The following ZNF469 variants were observed in gnomAD, a reference collection of about 807,000 sequenced individuals.
ZNF469 encodes the protein zinc finger protein 469.
A neutral mutation model predicts 1.0 loss-of-function variants in ZNF469; 1 was observed. That is an observed-to-expected ratio of 1.00 (90% CI 0.35 to 4.73). ZNF469 has a LOEUF of 4.73. Ranked by LOEUF, ZNF469 falls within the 30% of genes most tolerant of loss-of-function variation. The pLI is 0.16. For synonymous variants in ZNF469, 2,703 were observed against 2,363.4 expected (o/e 1.14, Z -4.17); for missense variants, 6,100 against 5,356.3 (o/e 1.14, Z -4.33).
upstream of ZNF469, among the ~76,000 whole-genome samples, chr16:88,381,777 A>G (rs2092525984): frequency 1.3e-5 from 2 of 152,252 alleles, no homozygotes; most frequent in African/African-American, 4.8e-5. Flanking sequence ...ATGCCAGCAC[A>G]GAAACCCCAC....
At position 88,429,984 on chromosome 16, in the gene ZNF469, C is replaced by A. The variant is rs900520069; in HGVS notation, c.2514C>A (p.Ala838=). 6.5e-7 allele frequency: 1 copy of A among 1,550,382 alleles called. No individual in the cohort carries two copies. The highest frequency in any genetic ancestry group is 1.4e-5 in the African/African-American group (1 of 73,180). Residue 838 remains alanine, a synonymous_variant, in exon 3 of 3, where the codon GCC becomes GCA. Transcript: ENST00000565624. ...CGGACCTGGACATGGAGGATGACGCCAAGCTGGACAGCCTCATCACAGAGG... is the reference window on the plus strand; with the variant it reads ...CGGACCTGGACATGGAGGATGACGCAAAGCTGGACAGCCTCATCACAGAGG... ...PASDLDMEDD[A]KLDSLITEAL...
At chr16:88,191,957 G>C in the ZNF469 span, among the ~76,000 whole-genome samples, 1 of 152,192 alleles carries the variant, frequency 6.6e-6, no homozygotes, top group Non-Finnish European at 1.5e-5. Context: ...ATGGTATTTG[G>C]AGGGGGGGAC....
chr16:88,375,071 C>T, the ZNF469 span, among the ~76,000 whole-genome samples: 7 of 152,336 alleles, frequency 4.6e-5, no homozygotes, highest in Middle Eastern at 3.4e-3. Flanking sequence ...AGGACAGGCC[C>T]GAAGGCTGCA....
chr16:88,390,301 C>T (rs945303942), intron 1 of ZNF469, among the ~76,000 whole-genome samples: 6 of 152,164 alleles, frequency 3.9e-5, no homozygotes, highest in Non-Finnish European at 8.8e-5. Flanking sequence ...AGTAGGGGCA[C>T]CCACCAACTG....
At chr16:88,230,309 G>A in the ZNF469 span, among the ~76,000 whole-genome samples, 1 of 152,256 alleles carries the variant, frequency 6.6e-6, no homozygotes, top group Non-Finnish European at 1.5e-5. Context: ...TCTGCTTCAG[G>A]ATTGCTGAGG....
rs1294047474 is a variant in ZNF469 at position 88,430,773 on chromosome 16, C to T, written c.3303C>T (p.Asp1101=). The change falls in exon 3 of 3, where the codon GAC becomes GAT. Residue 1101 remains aspartate, a synonymous_variant. Transcript: ENST00000565624. ...ACTTCGCCTCGGAGTCCGAGGAGGA[C>T]GAGCAGCCTCCGCCGCGGGGCCCCG... The part of the protein sequence containing the change: ...EYDFASESEE[D]EQPPPRGPGF... The T allele has an allele frequency of 1.2e-5, 18 of 1,523,748 alleles. No homozygotes were observed. Among genetic ancestry groups the T allele is most frequent in the Non-Finnish European group, 1.5e-5 (17 of 1,142,206 alleles). The allele number at this position is 1,523,748 out of a possible 1,614,324, so 94.4% of individuals were successfully genotyped here.
chr16:88,199,983 G>C, the ZNF469 span, among the ~76,000 whole-genome samples: 5 of 152,182 alleles, frequency 3.3e-5, no homozygotes, highest in Non-Finnish European at 7.3e-5. Flanking sequence ...CCTTCATGCC[G>C]GGCTCACCAC....
the ZNF469 span, among the ~76,000 whole-genome samples, chr16:88,259,736 G>A: frequency 2.6e-5 from 4 of 151,976 alleles, no homozygotes; most frequent in East Asian, 1.9e-4. This position sits in a 1 kb window ranked among gnomAD's most constrained non-coding sequence, Gnocchi z 4.1. Flanking sequence ...TCCACACACC[G>A]TGGCCCCCAA....
chr16:88,354,356 G>A, the ZNF469 span, among the ~76,000 whole-genome samples: 3 of 152,130 alleles, frequency 2.0e-5, no homozygotes, highest in African/African-American at 7.2e-5. Flanking sequence ...CCAGGTCCTC[G>A]GCTCCCTGGA....
At chr16:88,319,063 G>A in the ZNF469 span, among the ~76,000 whole-genome samples, 1 of 152,188 alleles carries the variant, frequency 6.6e-6, no homozygotes, top group African/African-American at 2.4e-5. Context: ...GAGGGCCTTG[G>A]CCACCAGGCT....
the ZNF469 span, among the ~76,000 whole-genome samples, chr16:88,312,061 A>G: frequency 2.6e-5 from 4 of 152,200 alleles, no homozygotes; most frequent in Non-Finnish European, 5.9e-5. Flanking sequence ...GGCACATCTT[A>G]CATGGCAGCT....
the ZNF469 span, among the ~76,000 whole-genome samples, chr16:88,329,000 C>T: frequency 5.3e-5 from 8 of 152,298 alleles, no homozygotes; most frequent in East Asian, 3.9e-4. Context: ...CACCCGCAGC[C>T]GGAGTCCTTC....
the ZNF469 span, chr16:88,178,133 C>G: frequency 3.9e-5 from 6 of 152,234 alleles, no homozygotes; most frequent in Non-Finnish European, 8.8e-5. Context: ...GTCCATCGAT[C>G]AAACTGCTGA....
chr16:88,436,184 C>T lies in ZNF469; in HGVS notation c.8714C>T (p.Pro2905Leu). ...GAGGGCGGTGACCCCACGCTGGGCC[C>T]AGCCCGCCTGCCCACGGACCTCAGC... ...FEEGGDPTLG[P>L]ARLPTDLSDS... Residue 2905 changes from proline to leucine, a missense_variant, in exon 3 of 3, where the codon CCA becomes CTA. Coordinates refer to ENST00000565624, the MANE Select transcript of ZNF469 (RefSeq NM_001367624.2). 6.5e-7 allele frequency: 1 copy of T among 1,547,742 alleles called. No individual in the cohort carries two copies. Among genetic ancestry groups the T allele is most frequent in the East Asian group, 2.4e-5 (1 of 40,918 alleles).
At chr16:88,101,513 A>G in the ZNF469 span, among the ~76,000 whole-genome samples, 3 of 150,770 alleles carry the variant, frequency 2.0e-5, no homozygotes, top group Non-Finnish European at 4.4e-5. Context: ...TCAATTAGCT[A>G]AACATGTTGT....
chr16:88,325,170 GCC>G, the ZNF469 span, among the ~76,000 whole-genome samples: 6,557 of 118,768 alleles, frequency 0.055, 497 homozygotes, highest in African/African-American at 0.19. Flanking sequence ...CATACACAGG[GCC>G]TCAAGTCCTC....
In ZNF469 at chr16:88,428,242, A is replaced by C. The variant is rs558954436; in HGVS notation, c.772A>C (p.Ile258Leu). 1.3e-6 allele frequency: 2 copies of C among 1,550,320 alleles called. No homozygotes were observed. Among genetic ancestry groups the C allele is most frequent in the Non-Finnish European group, 1.7e-6 (2 of 1,146,924 alleles). ...GGTTCCCCCCGCCGAGCCGGAACCT[A>C]TTCCCAAAGGCAGCAGGCCCGGCGG... ...FGVPPAEPEP[I>L]PKGSRPGGSP... The change falls in exon 3 of 3, where the codon ATT (isoleucine) becomes CTT (leucine). Residue 258 changes from isoleucine (I) to leucine (L), a missense_variant. Physicochemically the swap from Ile to Leu is conservative, Grantham distance 5. Transcript: ENST00000565624.
Position 88,433,513 on chromosome 16 carries a change from C to A in ZNF469, c.6043C>A (p.His2015Asn). The change falls in exon 3 of 3, where the codon CAC (histidine) becomes AAC (asparagine). Residue 2015 changes from histidine (H) to asparagine (N), a missense_variant. Coordinates refer to ENST00000565624, the MANE Select transcript of ZNF469 (RefSeq NM_001367624.2). ...NGVSPGGTDN[H>N]ASVNASPKTA... ...GGTGAGCCCAGGGGGCACGGACAAC[C>A]ACGCCTCAGTCAATGCCAGTCCCAA... 6.5e-7 allele frequency: 1 copy of A among 1,550,302 alleles called. No homozygotes were observed. The highest frequency in any genetic ancestry group is 8.7e-7 in the Non-Finnish European group (1 of 1,146,894).
chr16:88,373,030 C>T, the ZNF469 span, among the ~76,000 whole-genome samples: 912 of 152,246 alleles, frequency 6.0e-3, 9 homozygotes, highest in African/African-American at 0.02. Context: ...TCGCCATCAT[C>T]CTCTTCATCC....
Sources: gnomAD v4.1 joint callset for allele counts (sites outside exome capture counted in the v4.1 genomes callset) on GRCh38, gnomAD v4.1.1 for gene constraint, Gnocchi (gnomAD v3.1) non-coding constraint, MANE v1.5 for transcripts, NCBI Gene and HGNC (gene_info 2026-07-23, HGNC 2026-07-21) for gene names.